YWHAH: variants seen among roughly 807,000 people sequenced by gnomAD.
The protein encoded by YWHAH is 14-3-3 protein eta.
A neutral mutation model predicts 22.9 loss-of-function variants in YWHAH; 6 were observed. That is an observed-to-expected ratio of 0.26 (90% CI 0.14 to 0.52). The LOEUF is 0.52. YWHAH is among the 20% of genes least tolerant of loss of function. The probability of loss-of-function intolerance (pLI) is 0.97; values close to 1 mark genes in which losing one functional copy is unlikely to be tolerated. For synonymous variants in YWHAH, 135 were observed against 124.5 expected (o/e 1.08, Z -0.56); for missense variants, 173 against 308.6 (o/e 0.56, Z 3.29).
At chr22:31,946,963 C>T (rs1459438337) in intron 1 of YWHAH, among the ~76,000 whole-genome samples, 2 of 152,118 alleles carry the variant, frequency 1.3e-5, no homozygotes, top group African/African-American at 2.4e-5. Flanking sequence ...CCCCCATCAT[C>T]TAAATGGAAT....
chr22:31,949,124 T>A (rs1175095717), intron 1 of YWHAH, among the ~76,000 whole-genome samples: 1 of 148,954 alleles, frequency 6.7e-6, no homozygotes, highest in Admixed American at 6.7e-5. Flanking sequence ...CAAGTTTATA[T>A]AACATATTTT....
At chr22:31,955,439 CTTTT>C (rs60830862) in intron 1 of YWHAH, among the ~76,000 whole-genome samples, 5 of 126,740 alleles carry the variant, frequency 3.9e-5, no homozygotes, top group Non-Finnish European at 8.3e-5. Context: ...TTCAGAGTAT[CTTTT>C]TTTTTTTTTT....
intron 1 of YWHAH, chr22:31,950,291 A>C (rs773378648): frequency 3.9e-6 from 3 of 778,942 alleles, no homozygotes; most frequent in South Asian, 1.3e-5. Flanking sequence ...TGCAGGCCCC[A>C]AAATTTCTGT....
Position 31,956,466 on chromosome 22 carries a change from T to C in YWHAH, c.415T>C (p.Ser139Pro). ...CTACCGCTACTTAGCAGAGGTCGCT[T>C]CTGGGGAGAAGAAAAACAGTGTGGT... ...DYYRYLAEVA[S>P]GEKKNSVVEA... The change falls in exon 2 of 2, where the codon TCT becomes CCT. Residue 139 changes from serine (S) to proline (P), a missense_variant. Coordinates refer to ENST00000248975, the MANE Select transcript of YWHAH (RefSeq NM_003405.4). This position sits in a 1 kb window ranked among gnomAD's most constrained non-coding sequence, Gnocchi z 5.1. 1 of 1,614,162 alleles carries C rather than the reference T, an allele frequency of 6.2e-7. No individual in the cohort carries two copies. The highest frequency in any genetic ancestry group is 8.5e-7 in the Non-Finnish European group (1 of 1,180,028).
At chr22:31,950,305 T>C (rs2093841482) in intron 1 of YWHAH, 2 of 779,398 alleles carry the variant, frequency 2.6e-6, no homozygotes. Flanking sequence ...TTTCTGTCTC[T>C]AGGTTGCTGG....
At chr22:31,947,998 G>C (rs1324429001) in intron 1 of YWHAH, among the ~76,000 whole-genome samples, 2 of 152,184 alleles carry the variant, frequency 1.3e-5, no homozygotes, top group Non-Finnish European at 2.9e-5. Flanking sequence ...TGATACACCA[G>C]TTGATTACAG....
chr22:31,945,283 T>C (rs2045089959), intron 1 of YWHAH: 2 of 1,162,026 alleles, frequency 1.7e-6, no homozygotes, highest in African/African-American at 1.6e-5. Context: ...CGACCTGAAG[T>C]CTGCAATTCC....
chr22:31,956,826 C>T lies in YWHAH; in HGVS notation c.*34C>T. On this transcript the variant is annotated 3_prime_UTR_variant, in exon 2 of 2. Coordinates refer to ENST00000248975, the MANE Select transcript of YWHAH (RefSeq NM_003405.4). The surrounding 1 kb of genome is among the most constrained non-coding windows in gnomAD (Gnocchi z 5.1). ...CAGGTCCCCTGGCCCTTCCTTCACCCACCACCCCCATCATCACCGATTCTT... is the reference window on the plus strand; with the variant it reads ...CAGGTCCCCTGGCCCTTCCTTCACCTACCACCCCCATCATCACCGATTCTT... 1.3e-6 allele frequency: 2 copies of T among 1,529,938 alleles called. No individual in the cohort carries two copies. The highest frequency in any genetic ancestry group is 2.4e-5 in the East Asian group (1 of 41,200). 94.8% of individuals were successfully genotyped at this position (1,529,938 alleles called of 1,614,324 possible). A position where few individuals can be genotyped will look rare whatever the true frequency, so the allele number is the denominator to read the frequency against.
Position 31,956,059 on chromosome 22 carries a change from G to T in YWHAH, c.88-80G>T. The T allele has an allele frequency of 6.7e-7, 1 of 1,485,318 alleles. No individual in the cohort carries two copies. Among genetic ancestry groups the T allele is most frequent in the Non-Finnish European group, 9.1e-7 (1 of 1,104,652 alleles). 92.0% of individuals were successfully genotyped at this position (1,485,318 alleles called of 1,614,324 possible). On this transcript the variant is annotated intron_variant, in intron 1 of 1. Transcript: ENST00000248975. The surrounding 1 kb of genome is among the most constrained non-coding windows in gnomAD (Gnocchi z 5.1). ...CGTAATTCCGTTCTTGAGAAGGATT[G>T]TTGATTATGTTGAAGGGAAGGCTTC... is the stretch of plus-strand genomic sequence containing the variant.
intron 1 of YWHAH, chr22:31,945,589 C>G: frequency 1.5e-6 from 2 of 1,303,648 alleles, no homozygotes; most frequent in South Asian, 2.5e-5. Context: ...CCCAGCCACA[C>G]CCTAGCAAAA....
At chr22:31,955,733 C>T (rs1295017745) in intron 1 of YWHAH, among the ~76,000 whole-genome samples, 2 of 152,208 alleles carry the variant, frequency 1.3e-5, no homozygotes, top group African/African-American at 2.4e-5. Context: ...TAAGCCATCG[C>T]GCCCGGCCTG....
In YWHAH at chr22:31,956,080, G is replaced by T; in HGVS notation, c.88-59G>T. ...GATTGTTGATTATGTTGAAGGGAAG[G>T]CTTCTTACCAAGATTTTCAGATTTT... On this transcript the variant is annotated intron_variant, in intron 1 of 1. Transcript: ENST00000248975. The surrounding 1 kb of genome is among the most constrained non-coding windows in gnomAD (Gnocchi z 5.1). 2 of 1,528,594 alleles carry T rather than the reference G, an allele frequency of 1.3e-6. No individual in the cohort carries two copies. Among genetic ancestry groups the T allele is most frequent in the Non-Finnish European group, 1.8e-6 (2 of 1,138,606 alleles). The allele number at this position is 1,528,594 out of a possible 1,614,324, so 94.7% of individuals were successfully genotyped here. A position where few individuals can be genotyped will look rare whatever the true frequency, so the allele number is the denominator to read the frequency against.
intron 1 of YWHAH, among the ~76,000 whole-genome samples, chr22:31,949,937 T>C (rs2093840710): frequency 2.0e-5 from 3 of 150,734 alleles, no homozygotes; most frequent in Non-Finnish European, 4.4e-5. Context: ...CAAATAATTT[T>C]ATCTGTTGGG....
At chr22:31,948,728 A>G (rs1166044730) in intron 1 of YWHAH, among the ~76,000 whole-genome samples, 1 of 152,232 alleles carries the variant, frequency 6.6e-6, no homozygotes, top group African/African-American at 2.4e-5. Context: ...TGTAAAAACT[A>G]GGGAGCTATG....
At chr22:31,953,219 T>A (rs1413845380) in intron 1 of YWHAH, among the ~76,000 whole-genome samples, 1 of 152,234 alleles carries the variant, frequency 6.6e-6, no homozygotes, top group East Asian at 1.9e-4. Flanking sequence ...ATGGCCTTAG[T>A]TTAATTACTA....
At chr22:31,955,157 G>T (rs1465007338) in intron 1 of YWHAH, among the ~76,000 whole-genome samples, 2 of 152,172 alleles carry the variant, frequency 1.3e-5, no homozygotes, top group Admixed American at 1.3e-4. Context: ...AGGAGCTGGG[G>T]GTACTTTCAT....
Position 31,956,013 on chromosome 22 carries a change from C to T in YWHAH, c.88-126C>T. 8.9e-7 allele frequency: 1 copy of T among 1,127,534 alleles called. No individual in the cohort carries two copies. Among genetic ancestry groups the T allele is most frequent in the Non-Finnish European group, 1.3e-6 (1 of 799,486 alleles). The allele number at this position is 1,127,534 out of a possible 1,614,324, so 69.8% of individuals were successfully genotyped here. ...GTTTTATCCATGGGTGGTTTTTATT[C>T]TCCAGAGTGACTGACCTGTTCGTAA... On this transcript the variant is annotated intron_variant, in intron 1 of 1. Transcript: ENST00000248975. The surrounding 1 kb of genome is among the most constrained non-coding windows in gnomAD (Gnocchi z 5.1).
chr22:31,945,159 C>G (rs1010790129), intron 1 of YWHAH: 1 of 1,129,846 alleles, frequency 8.9e-7, no homozygotes, highest in Non-Finnish European at 1.1e-6. Context: ...CGCATTTCTC[C>G]TAGAGCGTTT....
At chr22:31,947,008 A>T (rs1183220093) in intron 1 of YWHAH, among the ~76,000 whole-genome samples, 2 of 152,012 alleles carry the variant, frequency 1.3e-5, no homozygotes, top group African/African-American at 4.8e-5. Context: ...TTAAAAGAAA[A>T]AAAAGAATAT....
Sources: allele counts gnomAD v4.1 joint callset (sites outside exome capture counted in the v4.1 genomes callset), GRCh38; gene constraint gnomAD v4.1.1; non-coding constraint Gnocchi (gnomAD v3.1); transcripts MANE v1.5; gene names NCBI Gene and HGNC (gene_info 2026-07-23, HGNC 2026-07-21).